KCNC1: variants seen among roughly 807,000 people sequenced by gnomAD.
KCNC1 encodes the protein voltage-gated potassium channel KCNC1.
Under a neutral mutation model 43.4 loss-of-function variants are expected in KCNC1, and 8 were observed. The ratio of observed to expected loss-of-function variants is 0.18; its 90% CI spans 0.11 to 0.33. The LOEUF is 0.33. Among genes scored for constraint, KCNC1 ranks in the 10% least tolerant of loss-of-function variants. The probability of loss-of-function intolerance (pLI) is 1.00; values close to 1 mark genes in which losing one functional copy is unlikely to be tolerated. For missense variants in KCNC1, 420 were observed against 836.0 expected (o/e 0.50, Z 6.14); for synonymous variants, 361 against 360.5 (o/e 1.00, Z -0.01).
At chr11:17,750,904 CACTG>C (rs1363641344) in intron 1 of KCNC1, among the ~76,000 whole-genome samples, 4 of 152,222 alleles carry the variant, frequency 2.6e-5, no homozygotes, top group Non-Finnish European at 5.9e-5. Flanking sequence ...GCCTTTGATC[CACTG>C]ACTATCATTC....
intron 1 of KCNC1, among the ~76,000 whole-genome samples, chr11:17,764,129 A>G (rs1341446484): frequency 1.5e-5 from 2 of 136,816 alleles, no homozygotes; most frequent in Non-Finnish European, 3.1e-5. Context: ...CCATAGACAC[A>G]CACACACCCC....
rs144384932 is a variant in KCNC1 at position 17,750,797 on chromosome 11, C to G, written c.570+14225C>G. Among the ~76,000 whole-genome samples the G allele has an allele frequency of 2.4e-4, 37 of 152,300 alleles. No individual in the cohort carries two copies. In the East Asian group the frequency reaches 6.9e-3, roughly 29 times the overall value. The stretch of plus-strand genomic sequence containing the variant: ...CTTCCTGCTAGGCCGGCTCTCATGG[C>G]TCTTCCTTTAGGGAGCCTTTCCCGA... On this transcript the variant is annotated intron_variant, in intron 1 of 3. Transcript: ENST00000265969.
At chr11:17,758,920 A>C (rs1458776193) in intron 1 of KCNC1, among the ~76,000 whole-genome samples, 1 of 152,260 alleles carries the variant, frequency 6.6e-6, no homozygotes, top group Non-Finnish European at 1.5e-5. Context: ...CACCAGCTGC[A>C]TTAGCCCTTA....
Position 17,782,179 on chromosome 11 carries a change from A to G in KCNC1, c.*445A>G, listed in dbSNP as rs1476799626. ...AACGGCGTTCAGTAGAAACCTGTAC[A>G]TTTCTGGGGGTGAGGGGCGAGGGGA... On this transcript the variant is annotated 3_prime_UTR_variant, in exon 4 of 4. Coordinates refer to ENST00000265969, the MANE Select transcript of KCNC1 (RefSeq NM_001112741.2). 6.4e-6 allele frequency: 1 copy of G among 155,632 alleles called. No individual in the cohort carries two copies. Among genetic ancestry groups the G allele is most frequent in the Non-Finnish European group, 1.4e-5 (1 of 70,754 alleles). The allele number at this position is 155,632 out of a possible 1,614,324, so 9.6% of individuals were successfully genotyped here. A position where few individuals can be genotyped will look rare whatever the true frequency, so the allele number is the denominator to read the frequency against.
intron 1 of KCNC1, among the ~76,000 whole-genome samples, chr11:17,762,321 C>T (rs770266251): frequency 3.3e-5 from 5 of 152,258 alleles, no homozygotes; most frequent in Non-Finnish European, 7.3e-5. Flanking sequence ...GGCTTTTCTA[C>T]ATGATCCTAA....
In KCNC1 at chr11:17,776,717, C is replaced by T; in HGVS notation, c.1505-2739C>T. The stretch of plus-strand genomic sequence containing the variant: ...GCAGGTGGGAATGGAGGCTCCTAGC[C>T]ACTATCTCATCCAAAGGATGGGGCA... On this transcript the variant is annotated intron_variant, in intron 2 of 3. Coordinates refer to ENST00000265969, the MANE Select transcript of KCNC1 (RefSeq NM_001112741.2). The surrounding 1 kb of genome is among the most constrained non-coding windows in gnomAD (Gnocchi z 4.4). The T allele has an allele frequency of 4.1e-6, 4 of 985,424 alleles. No individual in the cohort carries two copies. The highest frequency in any genetic ancestry group is 4.8e-6 in the Non-Finnish European group (4 of 829,948). The allele number at this position is 985,424 out of a possible 1,614,324, so 61.0% of individuals were successfully genotyped here.
intron 1 of KCNC1, among the ~76,000 whole-genome samples, chr11:17,762,124 CAGGACA>C (rs1849084811): frequency 1.3e-5 from 2 of 152,222 alleles, no homozygotes; most frequent in South Asian, 4.1e-4. Flanking sequence ...CCTTTTACTG[CAGGACA>C]AGGGCTGGCC....
intron 2 of KCNC1, chr11:17,775,831 G>A (rs1295811412): frequency 2.0e-6 from 2 of 985,490 alleles, no homozygotes; most frequent in African/African-American, 3.5e-5. Flanking sequence ...CAGCAGTGAG[G>A]TCTCAGAGAA....
intron 1 of KCNC1, among the ~76,000 whole-genome samples, chr11:17,754,979 T>C: frequency 6.6e-6 from 1 of 152,104 alleles, no homozygotes; most frequent in East Asian, 1.9e-4. Context: ...GCATCTTAGA[T>C]GATCTGTGCT....
chr11:17,739,394 TGTGTG>T lies in KCNC1; in HGVS notation c.570+2826_570+2830del. Among the ~76,000 whole-genome samples, 1 of 100,464 alleles carries T rather than the reference TGTGTG, an allele frequency of 1.0e-5. No homozygotes were observed. The allele number at this position is 100,464 out of a possible 152,430, so 65.9% of individuals were successfully genotyped here. A position where few individuals can be genotyped will look rare whatever the true frequency, so the allele number is the denominator to read the frequency against. On this transcript the variant is annotated intron_variant, in intron 1 of 3. Transcript: ENST00000265969. The surrounding 1 kb of genome is among the most constrained non-coding windows in gnomAD (Gnocchi z 4.2). ...GTGTGTGTGTGTGTGTGTGTGTGTG[TGTGTG>T]GTGAGACTGCGACTCTGTGCGAGCT...
chr11:17,781,690 G>A lies in KCNC1; in HGVS notation c.1714G>A (p.Val572Ile). Residue 572 changes from valine to isoleucine, a missense_variant, in exon 4 of 4, where the codon GTC (valine) becomes ATC (isoleucine). This residue lies in a region of KCNC1 where 147 missense variants were observed against 176.1 expected (regional missense o/e 0.83). Transcript: ENST00000265969. This position sits in a 1 kb window ranked among gnomAD's most constrained non-coding sequence, Gnocchi z 5.1. The stretch of plus-strand genomic sequence containing the variant: ...TACAGATCTTTGCAAAGAAAGCCCT[G>A]TCATTGCTAAGTATATGCCGACAGA... ...MRKDLCKESP[V>I]IAKYMPTEAV... 1 of 1,551,336 alleles carries A rather than the reference G, an allele frequency of 6.4e-7. No homozygotes were observed. Among genetic ancestry groups the A allele is most frequent in the Non-Finnish European group, 8.7e-7 (1 of 1,146,660 alleles).
At chr11:17,768,151 G>C (rs1472551959) in intron 1 of KCNC1, among the ~76,000 whole-genome samples, 1 of 152,156 alleles carries the variant, frequency 6.6e-6, no homozygotes, top group African/African-American at 2.4e-5. Context: ...AGAGACTCCT[G>C]GGGAACTCCC....
At position 17,781,602 on chromosome 11, in the gene KCNC1, T is replaced by A; in HGVS notation, c.1694-68T>A. 9.1e-7 allele frequency: 1 copy of A among 1,099,828 alleles called. No individual in the cohort carries two copies. The highest frequency in any genetic ancestry group is 1.4e-6 in the Non-Finnish European group (1 of 740,736). The allele number at this position is 1,099,828 out of a possible 1,614,324, so 68.1% of individuals were successfully genotyped here. A position where few individuals can be genotyped will look rare whatever the true frequency, so the allele number is the denominator to read the frequency against. ...GTCTTTCCTCCTCCTTCTTAAAAAC[T>A]AAGTACCAAGCGGGATGGGAGAGCC... On this transcript the variant is annotated intron_variant, in intron 3 of 3. Coordinates refer to ENST00000265969, the MANE Select transcript of KCNC1 (RefSeq NM_001112741.2). This position sits in a 1 kb window ranked among gnomAD's most constrained non-coding sequence, Gnocchi z 5.1.
At chr11:17,760,932 G>A (rs1849070488) in intron 1 of KCNC1, among the ~76,000 whole-genome samples, 1 of 152,236 alleles carries the variant, frequency 6.6e-6, no homozygotes, top group African/African-American at 2.4e-5. Flanking sequence ...GGAAGCTGTT[G>A]TCATCTCTTT....
intron 1 of KCNC1, among the ~76,000 whole-genome samples, chr11:17,751,105 AT>A (rs1017830323): frequency 6.6e-6 from 1 of 152,206 alleles, no homozygotes; most frequent in African/African-American, 2.4e-5. Flanking sequence ...AGAATCATTT[AT>A]TTGTCCAAGA....
At chr11:17,755,459 A>G (rs1241978428) in intron 1 of KCNC1, among the ~76,000 whole-genome samples, 1 of 152,164 alleles carries the variant, frequency 6.6e-6, no homozygotes, top group Non-Finnish European at 1.5e-5. Context: ...GTCTATTACC[A>G]TGACCCGGGG....
intron 2 of KCNC1, chr11:17,774,738 G>A: frequency 9.1e-6 from 9 of 985,372 alleles, no homozygotes; most frequent in Non-Finnish European, 1.1e-5. Flanking sequence ...AGTATTTGGG[G>A]CCCTCACAAG....
At chr11:17,754,603 C>T (rs1276821353) in intron 1 of KCNC1, among the ~76,000 whole-genome samples, 2 of 152,214 alleles carry the variant, frequency 1.3e-5, no homozygotes, top group African/African-American at 2.4e-5. Context: ...GACCTTCTTT[C>T]CACAGAGGAA....
intron 1 of KCNC1, among the ~76,000 whole-genome samples, chr11:17,751,137 G>A (rs1032855589): frequency 1.8e-4 from 28 of 152,294 alleles, no homozygotes; most frequent in African/African-American, 6.7e-4. Context: ...GAGAGCAAGT[G>A]GTAGAAGGAT....
Sources: gnomAD v4.1 joint callset for allele counts (sites outside exome capture counted in the v4.1 genomes callset) on GRCh38, gnomAD v4.1.1 for gene constraint, gnomAD v4.1.1 regional missense constraint, Gnocchi (gnomAD v3.1) non-coding constraint, MANE v1.5 for transcripts, NCBI Gene and HGNC (gene_info 2026-07-23, HGNC 2026-07-21) for gene names.